The following CLVS1 variants were observed in gnomAD, a reference collection of about 807,000 sequenced individuals.
The protein encoded by CLVS1 is clavesin-1.
Under a neutral mutation model 33.1 loss-of-function variants are expected in CLVS1, and 10 were observed. The ratio of observed to expected loss-of-function variants is 0.30; its 90% CI spans 0.19 to 0.51. CLVS1 has a LOEUF of 0.51. Ranked by LOEUF, CLVS1 falls within the 20% of genes least tolerant of loss-of-function variation. The pLI is 0.97. For missense variants in CLVS1, 343 were observed against 433.4 expected, an observed-to-expected ratio of 0.79 and a Z score of 1.85; for synonymous variants, 163 against 166.1, an observed-to-expected ratio of 0.98 and a Z score of 0.14.
chr8:61,441,490 G>C (rs1388992139), intron 3 of CLVS1, among the ~76,000 whole-genome samples: 2 of 152,186 alleles, frequency 1.3e-5, no homozygotes, highest in African/African-American at 4.8e-5. Flanking sequence ...GAGATAAGGA[G>C]AGATGAGAGT....
intron 5 of CLVS1, among the ~76,000 whole-genome samples, chr8:61,485,398 C>T (rs1256653081): frequency 6.6e-6 from 1 of 152,146 alleles, no homozygotes; most frequent in Non-Finnish European, 1.5e-5. Context: ...CAATGAGATA[C>T]CATCTCACAC....
intron 3 of CLVS1, among the ~76,000 whole-genome samples, chr8:61,410,843 T>C (rs937455171): frequency 6.6e-6 from 1 of 152,180 alleles, no homozygotes; most frequent in Middle Eastern, 3.2e-3. Flanking sequence ...GATTTCACCA[T>C]GTTGGCCAGG....
At chr8:61,183,745 T>C (rs1807286508) in intron 2 of CLVS1, among the ~76,000 whole-genome samples, 1 of 152,154 alleles carries the variant, frequency 6.6e-6, no homozygotes, top group South Asian at 2.1e-4. Flanking sequence ...AAGGAAGAGA[T>C]TTGAATATTA....
At chr8:61,338,817 G>A (rs1366058045) in intron 2 of CLVS1, among the ~76,000 whole-genome samples, 2 of 152,024 alleles carry the variant, frequency 1.3e-5, no homozygotes, top group Non-Finnish European at 2.9e-5. Flanking sequence ...CTCTGCCCCG[G>A]GGAGGCTCTT....
intron 2 of CLVS1, among the ~76,000 whole-genome samples, chr8:61,215,083 G>A (rs1300476345): frequency 2.6e-5 from 4 of 152,192 alleles, no homozygotes; most frequent in African/African-American, 7.2e-5. Context: ...AATTTGTACA[G>A]CAGATAGCCC....
At chr8:61,474,360 A>G (rs1817838035) in intron 5 of CLVS1, among the ~76,000 whole-genome samples, 1 of 152,172 alleles carries the variant, frequency 6.6e-6, no homozygotes, top group Non-Finnish European at 1.5e-5. Context: ...GTGGAGTCAC[A>G]TGGGTGGTTA....
the CLVS1 span, among the ~76,000 whole-genome samples, chr8:61,031,592 T>C: frequency 1.3e-5 from 2 of 152,246 alleles, no homozygotes; most frequent in Non-Finnish European, 2.9e-5. Flanking sequence ...GTTCACATTG[T>C]TATTCCTTCA....
At chr8:61,071,189 CA>C (rs1804790769) in intron 1 of CLVS1, among the ~76,000 whole-genome samples, 1 of 152,232 alleles carries the variant, frequency 6.6e-6, no homozygotes, top group Admixed American at 6.5e-5. Context: ...TGTTTTGCTA[CA>C]AATGGAGACA....
At chr8:61,030,554 A>G in the CLVS1 span, among the ~76,000 whole-genome samples, 2 of 152,238 alleles carry the variant, frequency 1.3e-5, no homozygotes, top group Non-Finnish European at 2.9e-5. Flanking sequence ...GGCAAAGCTC[A>G]GTCTCCTTCA....
chr8:61,059,495 TATATAC>T (rs1444337535), intron 1 of CLVS1, among the ~76,000 whole-genome samples: 25 of 116,984 alleles, frequency 2.1e-4, no homozygotes, highest in African/African-American at 7.4e-4. Flanking sequence ...TATATATATA[TATATAC>T]ACATATCTTG....
intron 3 of CLVS1, 144 bp downstream of exon 3, chr8:61,376,923 C>CAGG (rs1402978908): frequency 1.5e-6 from 1 of 675,496 alleles, no homozygotes; most frequent in Non-Finnish European, 2.3e-6. Flanking sequence ...GTTTTTGCCT[C>CAGG]AGCCAGAGTT....
chr8:61,252,628 T>A (rs1394843722), intron 2 of CLVS1, among the ~76,000 whole-genome samples: 1 of 152,222 alleles, frequency 6.6e-6, no homozygotes, highest in Non-Finnish European at 1.5e-5. Flanking sequence ...ATATTTAGGA[T>A]AATTAGCTCT....
At chr8:61,186,980 AATCTTGGTTTACTCAG>A (rs1448084332) in intron 2 of CLVS1, among the ~76,000 whole-genome samples, 1 of 152,192 alleles carries the variant, frequency 6.6e-6, no homozygotes, top group Non-Finnish European at 1.5e-5. Context: ...GTTCAAGACC[AATCTTGGTTTACTCAG>A]ATCCTGCTAT....
At chr8:60,989,147 G>T in the CLVS1 span, among the ~76,000 whole-genome samples, 246 of 152,062 alleles carry the variant, frequency 1.6e-3, 2 homozygotes, top group African/African-American at 5.5e-3. Flanking sequence ...GATTACAGGC[G>T]TGAGCCACTG....
chr8:61,112,209 C>CACAT (rs1554536015), intron 1 of CLVS1, among the ~76,000 whole-genome samples: 2,232 of 145,676 alleles, frequency 0.015, 132 homozygotes, highest in Middle Eastern at 0.042. Flanking sequence ...CACACACACA[C>CACAT]ACACACACAC....
the CLVS1 span, among the ~76,000 whole-genome samples, chr8:60,982,083 G>A: frequency 3.9e-5 from 6 of 152,240 alleles, no homozygotes; most frequent in African/African-American, 1.4e-4. Flanking sequence ...GAGAAAATGT[G>A]TAATTCTGTG....
At chr8:61,360,905 T>A (rs1812947375) in intron 2 of CLVS1, among the ~76,000 whole-genome samples, 1 of 151,920 alleles carries the variant, frequency 6.6e-6, no homozygotes, top group Admixed American at 6.6e-5. Context: ...ATAATTTATT[T>A]AAAAAAAAGG....
At chr8:60,967,911 C>T in the CLVS1 span, 1 of 313,208 alleles carries the variant, frequency 3.2e-6, no homozygotes, top group African/African-American at 2.2e-5. Flanking sequence ...TCCACACACC[C>T]GTGGACTAAT....
chr8:61,074,983 C>G (rs1257257238), intron 1 of CLVS1, among the ~76,000 whole-genome samples: 1 of 152,106 alleles, frequency 6.6e-6, no homozygotes, highest in African/African-American at 2.4e-5. Context: ...CATCCTCCCC[C>G]CCCTTTTAAA....
Sources: gnomAD v4.1 joint callset for allele counts (sites outside exome capture counted in the v4.1 genomes callset) on GRCh38, gnomAD v4.1.1 for gene constraint, MANE v1.5 for transcripts, NCBI Gene and HGNC (gene_info 2026-07-23, HGNC 2026-07-21) for gene names.